PLEKHG7: variants seen among roughly 807,000 people sequenced by gnomAD.
The protein encoded by PLEKHG7 is pleckstrin homology and RhoGEF domain containing G7, also known as pleckstrin homology domain-containing family G member 7.
In PLEKHG7, 77 loss-of-function variants were observed where a neutral mutation model predicts 85.2. That is an observed-to-expected ratio of 0.90 (90% CI 0.75 to 1.09). The LOEUF is 1.09. PLEKHG7 is among the 50% of genes least tolerant of loss of function. PLEKHG7 has a pLI of 0.00. For synonymous variants in PLEKHG7, 301 were observed against 302.4 expected (o/e 1.00, Z 0.05); for missense variants, 777 against 804.3 (o/e 0.97, Z 0.41).
chr12:92,729,823 G>C (rs1035354383), intron 4 of PLEKHG7, among the ~76,000 whole-genome samples: 4 of 152,104 alleles, frequency 2.6e-5, no homozygotes, highest in African/African-American at 9.7e-5. Context: ...ACAAATCCAG[G>C]TGAAGTTGCA....
chr12:92,770,062 A>G (rs745943406), intron 16 of PLEKHG7, 26 bp from the exon 17 acceptor site: 1 of 1,398,402 alleles, frequency 7.2e-7, no homozygotes, highest in South Asian at 1.3e-5. Flanking sequence ...ATCTCTATTT[A>G]TGTATTTTTT....
intron 15 of PLEKHG7, among the ~76,000 whole-genome samples, chr12:92,766,144 A>C (rs901627183): frequency 6.6e-6 from 1 of 152,244 alleles, no homozygotes; most frequent in African/African-American, 2.4e-5. Context: ...AAGGGATGGC[A>C]GAGGAATGTA....
intron 9 of PLEKHG7, among the ~76,000 whole-genome samples, chr12:92,744,996 AG>A (rs1046812228): frequency 6.6e-6 from 1 of 152,228 alleles, no homozygotes; most frequent in Non-Finnish European, 1.5e-5. Flanking sequence ...CATGTTTAGA[AG>A]CCAGCAAAAT....
intron 1 of PLEKHG7, among the ~76,000 whole-genome samples, chr12:92,704,190 A>T (rs903465233): frequency 2.6e-5 from 4 of 151,996 alleles, no homozygotes; most frequent in African/African-American, 9.7e-5. Flanking sequence ...TGAGGCTAGG[A>T]GTTTGAGGTT....
At chr12:92,761,650 G>GAAAGAAAGAA in intron 13 of PLEKHG7, 102 bp from the exon 14 acceptor site, 3 of 1,168,230 alleles carry the variant, frequency 2.6e-6, no homozygotes, top group African/African-American at 1.7e-5. Context: ...AAGAAAGAAA[G>GAAAGAAAGAA]AAAGAAAGAA....
chr12:92,743,592 C>A (rs1872431715), intron 9 of PLEKHG7, among the ~76,000 whole-genome samples: 1 of 152,074 alleles, frequency 6.6e-6, no homozygotes, highest in Non-Finnish European at 1.5e-5. Context: ...CAGAGTCTTG[C>A]TCTGTCACCC....
chr12:92,704,237 G>A (rs1871167776), intron 1 of PLEKHG7, among the ~76,000 whole-genome samples: 1 of 151,882 alleles, frequency 6.6e-6, no homozygotes, highest in African/African-American at 2.4e-5. Flanking sequence ...ACTCAGCCTG[G>A]GCGACAGAGC....
At chr12:92,768,833 A>T in intron 15 of PLEKHG7, 150 bp from the exon 16 acceptor site, 1 of 531,768 alleles carries the variant, frequency 1.9e-6, no homozygotes, top group Non-Finnish European at 3.2e-6. Context: ...ATAAAATTTA[A>T]AAAAAAATTA....
Position 92,750,955 on chromosome 12 carries a change from A to C in PLEKHG7, c.1252-3135A>C, listed in dbSNP as rs141478013. Among the ~76,000 whole-genome samples, 870 of 152,088 alleles carry C rather than the reference A, an allele frequency of 5.7e-3. 8 individuals are homozygous for C. The highest frequency in any genetic ancestry group is 0.019 in the African/African-American group (804 of 41,476). ...CCTACCCTGTCTCAATAAATAAATAAATAAATAAAAATAAAACAGTTGGAA... is the reference window on the plus strand; with the variant it reads ...CCTACCCTGTCTCAATAAATAAATACATAAATAAAAATAAAACAGTTGGAA... On this transcript the variant is annotated intron_variant, in intron 10 of 16. Transcript: ENST00000344636.
intron 14 of PLEKHG7, among the ~76,000 whole-genome samples, chr12:92,762,188 GC>G (rs1873056544): frequency 6.6e-6 from 1 of 152,108 alleles, no homozygotes; most frequent in Non-Finnish European, 1.5e-5. Flanking sequence ...GTCCATTTTG[GC>G]CTGTTCCTTT....
intron 15 of PLEKHG7, among the ~76,000 whole-genome samples, chr12:92,764,782 C>T (rs1873142064): frequency 6.6e-6 from 1 of 151,854 alleles, no homozygotes; most frequent in African/African-American, 2.4e-5. Context: ...CTCAGCAGGC[C>T]CTACAGATAC....
intron 10 of PLEKHG7, among the ~76,000 whole-genome samples, chr12:92,748,393 C>T (rs572734400): frequency 6.6e-6 from 1 of 152,146 alleles, no homozygotes; most frequent in African/African-American, 2.4e-5. Context: ...ACTACAGGTG[C>T]CTGCCACCGT....
Position 92,706,528 on chromosome 12 carries a change from C to A in PLEKHG7, c.-104C>A. On this transcript the variant is annotated 5_prime_UTR_variant, in exon 2 of 17. Coordinates refer to ENST00000344636, the MANE Select transcript of PLEKHG7 (RefSeq NM_001377329.1). ...AAAGGAAAAGAACTACGAGAGGAAG[C>A]ATGGCACTTGGATGCAGAAATTGAG... The A allele has an allele frequency of 7.3e-7, 1 of 1,368,520 alleles. No homozygotes were observed. Among genetic ancestry groups the A allele is most frequent in the Non-Finnish European group, 9.8e-7 (1 of 1,016,246 alleles). The allele number at this position is 1,368,520 out of a possible 1,614,324, so 84.8% of individuals were successfully genotyped here.
intron 15 of PLEKHG7, among the ~76,000 whole-genome samples, chr12:92,766,551 A>G (rs1183543819): frequency 1.3e-5 from 2 of 151,930 alleles, no homozygotes; most frequent in East Asian, 1.9e-4. Flanking sequence ...TTTTAAAAAC[A>G]TGCTTCTGGG....
intron 10 of PLEKHG7, among the ~76,000 whole-genome samples, chr12:92,747,722 A>G (rs1183941881): frequency 6.6e-6 from 1 of 152,254 alleles, no homozygotes; most frequent in East Asian, 1.9e-4. Flanking sequence ...ACTATTATTC[A>G]GCCAGAAAAA....
chr12:92,753,751 C>T (rs1026745708), intron 10 of PLEKHG7, among the ~76,000 whole-genome samples: 11 of 152,220 alleles, frequency 7.2e-5, no homozygotes, highest in African/African-American at 2.7e-4. Flanking sequence ...TCTCAATTGT[C>T]CTAACTGCAT....
At chr12:92,754,436 C>T (rs965294482) in intron 11 of PLEKHG7, among the ~76,000 whole-genome samples, 172 bp downstream of exon 11, 2 of 152,164 alleles carry the variant, frequency 1.3e-5, no homozygotes, top group African/African-American at 4.8e-5. Context: ...GAACAATGGG[C>T]TCCAGTCACA....
At chr12:92,706,334 G>T (rs1236483346) in intron 1 of PLEKHG7, 137 bp from the exon 2 acceptor site, 2 of 273,986 alleles carry the variant, frequency 7.3e-6, no homozygotes, top group East Asian at 1.4e-4. Context: ...TCTTCTGAAC[G>T]TAAAGGATGC....
intron 9 of PLEKHG7, among the ~76,000 whole-genome samples, chr12:92,744,308 G>A (rs1592682508): frequency 6.6e-6 from 1 of 152,090 alleles, no homozygotes; most frequent in South Asian, 2.1e-4. Flanking sequence ...TAGCAACATG[G>A]TAGACACTAT....
Sources: gnomAD v4.1 joint callset for allele counts (sites outside exome capture counted in the v4.1 genomes callset) on GRCh38, gnomAD v4.1.1 for gene constraint, MANE v1.5 for transcripts, NCBI Gene and HGNC (gene_info 2026-07-23, HGNC 2026-07-21) for gene names.